The following CHST11 variants were observed in gnomAD, a reference collection of about 807,000 sequenced individuals.
CHST11 encodes carbohydrate sulfotransferase 11, also known as C4S-1.
CHST11 carries 9 observed loss-of-function variants against 30.4 expected under a neutral mutation model. The ratio of observed to expected loss-of-function variants is 0.30; its 90% CI spans 0.18 to 0.52. The LOEUF (loss-of-function observed/expected upper bound fraction) is 0.52, where lower values mean the gene tolerates loss of function less well. CHST11 is among the 20% of genes least tolerant of loss of function. The pLI is 0.97. For synonymous variants in CHST11, 152 were observed against 187.8 expected, an observed-to-expected ratio of 0.81 and a Z score of 1.56; for missense variants, 348 against 460.6, an observed-to-expected ratio of 0.76 and a Z score of 2.24.
At chr12:104,618,223 TC>T (rs57260454) in intron 2 of CHST11, among the ~76,000 whole-genome samples, 41,415 of 129,314 alleles carry the variant, frequency 0.32, 7,040 homozygotes, top group East Asian at 0.54. Flanking sequence ...TCTTTTCTTT[TC>T]TTTTTTTTTT....
chr12:104,480,898 T>G (rs1265289631), intron 1 of CHST11, among the ~76,000 whole-genome samples: 1 of 152,246 alleles, frequency 6.6e-6, no homozygotes, highest in Non-Finnish European at 1.5e-5. Context: ...CCACCAAGTT[T>G]GTGGCACTTT....
rs759769235 is a variant in CHST11, at chr12:104,757,039, C to G, written c.295C>G (p.Arg99Gly). 1.2e-6 allele frequency: 2 copies of G among 1,614,044 alleles called. No individual in the cohort carries two copies. The highest frequency in any genetic ancestry group is 2.2e-5 in the South Asian group (2 of 91,076). Residue 99 changes from arginine (R) to glycine (G), a missense_variant, in exon 3 of 3, where the codon CGG becomes GGG. Arg to Gly is a moderately radical substitution (Grantham distance 125). This residue lies in a region of CHST11 where 135 missense variants were observed against 155.8 expected (regional missense o/e 0.87). Coordinates refer to ENST00000303694, the MANE Select transcript of CHST11 (RefSeq NM_018413.6). This position sits in a 1 kb window ranked among gnomAD's most constrained non-coding sequence, Gnocchi z 6.5. ...AGCCAACAGCGCCACAAGCCGTAAG[C>G]GGAGGGTGCTGACCCCCAACGACCT... ...CRANSATSRK[R>G]RVLTPNDLKH...
chr12:104,747,819 A>G (rs2040400167), intron 2 of CHST11, among the ~76,000 whole-genome samples: 1 of 152,074 alleles, frequency 6.6e-6, no homozygotes, highest in South Asian at 2.1e-4. Context: ...ACCCCGAGAC[A>G]GTCAAAGGGG....
At chr12:104,620,541 G>T (rs1025503501) in intron 2 of CHST11, among the ~76,000 whole-genome samples, 2 of 152,218 alleles carry the variant, frequency 1.3e-5, no homozygotes, top group African/African-American at 2.4e-5. Context: ...GAGGTCCTGA[G>T]AGATCAGTAC....
intron 2 of CHST11, among the ~76,000 whole-genome samples, chr12:104,715,244 G>A (rs193108615): frequency 2.8e-4 from 42 of 151,960 alleles, no homozygotes; most frequent in Admixed American, 1.2e-3. Flanking sequence ...TGTGGTGGTC[G>A]GCGCCTGTAA....
At chr12:104,710,201 A>G (rs1272523837) in intron 2 of CHST11, among the ~76,000 whole-genome samples, 1 of 134,498 alleles carries the variant, frequency 7.4e-6, no homozygotes, top group Non-Finnish European at 1.6e-5. Context: ...CCCTGTCTCA[A>G]ACAAAAAAAG....
chr12:104,732,583 A>T (rs60756405), intron 2 of CHST11, among the ~76,000 whole-genome samples: 7,904 of 152,258 alleles, frequency 0.052, 686 homozygotes, highest in East Asian at 0.34. Flanking sequence ...GGGTGAAGTA[A>T]CAGGCGGGAG....
rs570495559 is a variant in CHST11 at position 104,474,528 on chromosome 12, C to A, written c.118+16999C>A. ...ACTTTGTTTCCTGTGCCTGTAAAAG[C>A]AAAATGAGATTTTTAAAAATAAATC... is the stretch of plus-strand genomic sequence containing the variant. On this transcript the variant is annotated intron_variant, in intron 1 of 2. Coordinates refer to ENST00000303694, the MANE Select transcript of CHST11 (RefSeq NM_018413.6). Among the ~76,000 whole-genome samples the A allele has an allele frequency of 7.9e-5, 12 of 152,278 alleles. No homozygotes were observed. In the South Asian group the frequency reaches 2.3e-3, roughly 29 times the overall value.
chr12:104,477,807 C>T (rs754615935), intron 1 of CHST11, among the ~76,000 whole-genome samples: 1 of 152,154 alleles, frequency 6.6e-6, no homozygotes, highest in Admixed American at 6.5e-5. Context: ...AGACAAGGAA[C>T]GATCCTTGAG....
chr12:104,489,721 C>G (rs1388792544), intron 1 of CHST11, among the ~76,000 whole-genome samples: 1 of 152,104 alleles, frequency 6.6e-6, no homozygotes, highest in African/African-American at 2.4e-5. Flanking sequence ...CCTCGGCCTC[C>G]CAAAGTGCTG....
intron 1 of CHST11, among the ~76,000 whole-genome samples, chr12:104,537,227 A>G (rs890977062): frequency 1.3e-5 from 2 of 152,356 alleles, no homozygotes; most frequent in East Asian, 1.9e-4. Context: ...GGGAGTTGTC[A>G]TCTTGGATTG....
At chr12:104,749,638 A>G (rs1167356332) in intron 2 of CHST11, among the ~76,000 whole-genome samples, 7 of 152,178 alleles carry the variant, frequency 4.6e-5, no homozygotes, top group Non-Finnish European at 8.8e-5. Context: ...TTAATGAGTG[A>G]GTCTTCTTCA....
chr12:104,668,022 G>A (rs1304840499), intron 2 of CHST11, among the ~76,000 whole-genome samples: 1 of 152,140 alleles, frequency 6.6e-6, no homozygotes, highest in Non-Finnish European at 1.5e-5. Flanking sequence ...AGCCAGTAGA[G>A]CCAACCCACA....
At chr12:104,543,831 C>A (rs1470888608) in intron 1 of CHST11, among the ~76,000 whole-genome samples, 1 of 152,024 alleles carries the variant, frequency 6.6e-6, no homozygotes, top group Non-Finnish European at 1.5e-5. Context: ...TGGGGCACTG[C>A]TAAAGATGTA....
chr12:104,487,726 C>CT (rs1402775156), intron 1 of CHST11, among the ~76,000 whole-genome samples: 251 of 120,678 alleles, frequency 2.1e-3, no homozygotes, highest in African/African-American at 7.1e-3. Context: ...CAGTATGTAC[C>CT]TATTTTTTTT....
chr12:104,518,305 A>G (rs2038044647), intron 1 of CHST11, among the ~76,000 whole-genome samples: 2 of 152,074 alleles, frequency 1.3e-5, no homozygotes, highest in African/African-American at 2.4e-5. Flanking sequence ...AAACATAAAA[A>G]TAAAGACCAC....
At chr12:104,566,379 C>T (rs556658266) in intron 1 of CHST11, among the ~76,000 whole-genome samples, 26 of 152,058 alleles carry the variant, frequency 1.7e-4, no homozygotes, top group African/African-American at 4.8e-4. Context: ...GGTGGGGGGG[C>T]GGTCTGCCTA....
intron 2 of CHST11, among the ~76,000 whole-genome samples, chr12:104,655,706 T>G (rs1367603259): frequency 6.6e-6 from 1 of 152,204 alleles, no homozygotes; most frequent in Non-Finnish European, 1.5e-5. Flanking sequence ...ATGTAATCAT[T>G]TTGAACCTAA....
In CHST11 at chr12:104,502,278, T is replaced by C. The variant is rs139641191; in HGVS notation, c.118+44749T>C. On this transcript the variant is annotated intron_variant, in intron 1 of 2. Coordinates refer to ENST00000303694, the MANE Select transcript of CHST11 (RefSeq NM_018413.6). ...CCAAGGCTGGTCTTGAACTCCTGGC[T>C]TTAAGCGATTCTCCTGCCTCGGCCA... Among the ~76,000 whole-genome samples the C allele has an allele frequency of 1.8e-3, 275 of 152,242 alleles. 3 individuals are homozygous for C. In the East Asian group the frequency reaches 0.044, roughly 24 times the overall value.
Sources: allele counts gnomAD v4.1 joint callset (sites outside exome capture counted in the v4.1 genomes callset), GRCh38; gene constraint gnomAD v4.1.1; regional missense constraint gnomAD v4.1.1; non-coding constraint Gnocchi (gnomAD v3.1); transcripts MANE v1.5; gene names NCBI Gene and HGNC (gene_info 2026-07-23, HGNC 2026-07-21).